The following SYT14 variants were observed in gnomAD, a reference collection of about 807,000 sequenced individuals.
SYT14 encodes the protein synaptotagmin 14.
A neutral mutation model predicts 74.2 loss-of-function variants in SYT14; 32 were observed. The ratio of observed to expected loss-of-function variants is 0.43; its 90% confidence interval spans 0.33 to 0.58. SYT14 has a LOEUF of 0.58. SYT14 is among the 20% of genes least tolerant of loss of function. The probability of loss-of-function intolerance (pLI) is 0.05; values close to 1 mark genes in which losing one functional copy is unlikely to be tolerated. For missense variants in SYT14, 791 were observed against 981.8 expected (o/e 0.81, Z 2.60); for synonymous variants, 298 against 337.7 (o/e 0.88, Z 1.29).
chr1:210,121,624 C>A (rs1372542151), intron 7 of SYT14, among the ~76,000 whole-genome samples: 1 of 151,904 alleles, frequency 6.6e-6, no homozygotes, highest in African/African-American at 2.4e-5. Context: ...GAAACTCTGT[C>A]TCTACTAAAA....
intron 2 of SYT14, among the ~76,000 whole-genome samples, chr1:209,978,973 C>A (rs976017730): frequency 6.6e-6 from 1 of 152,160 alleles, no homozygotes; most frequent in African/African-American, 2.4e-5. Flanking sequence ...TAGGAATCAG[C>A]GAGGCTCCGT....
chr1:210,076,603 G>C (rs759104111), intron 5 of SYT14, among the ~76,000 whole-genome samples: 12 of 152,182 alleles, frequency 7.9e-5, no homozygotes, highest in Admixed American at 7.9e-4. Flanking sequence ...AAAGAAAAGA[G>C]GTTTAATTGG....
At chr1:210,119,167 G>T (rs1228035891) in intron 7 of SYT14, among the ~76,000 whole-genome samples, 9 of 152,174 alleles carry the variant, frequency 5.9e-5, no homozygotes, top group Non-Finnish European at 1.5e-5. Flanking sequence ...GAATTTAGCA[G>T]TAGTGAGGAT....
chr1:210,084,402 G>A (rs534452319), intron 5 of SYT14, among the ~76,000 whole-genome samples: 21 of 152,154 alleles, frequency 1.4e-4, no homozygotes, highest in Non-Finnish European at 2.5e-4. Context: ...GAACATTATT[G>A]ACATGGCAAG....
intron 5 of SYT14, among the ~76,000 whole-genome samples, chr1:210,080,631 G>C (rs2081599521): frequency 6.6e-6 from 1 of 152,200 alleles, no homozygotes; most frequent in Non-Finnish European, 1.5e-5. Context: ...TGTAGCAACT[G>C]CATTTCAAGC....
chr1:210,080,122 T>G (rs1411339865), intron 5 of SYT14, among the ~76,000 whole-genome samples: 4 of 152,220 alleles, frequency 2.6e-5, no homozygotes. Context: ...CCTCAAAAAT[T>G]GCTGCATTAT....
At chr1:210,149,277 C>T (rs571544947) in intron 7 of SYT14, among the ~76,000 whole-genome samples, 125 of 150,178 alleles carry the variant, frequency 8.3e-4, no homozygotes, top group Middle Eastern at 3.4e-3. Context: ...CTCCACCTCG[C>T]AGGTTCAAGC....
intron 4 of SYT14, among the ~76,000 whole-genome samples, chr1:210,019,536 C>T (rs2080260696): frequency 6.6e-6 from 1 of 152,106 alleles, no homozygotes; most frequent in Non-Finnish European, 1.5e-5. Context: ...TGACTATTGG[C>T]TACATATTGG....
chr1:210,078,133 AC>A (rs1220544139), intron 5 of SYT14, among the ~76,000 whole-genome samples: 1 of 151,700 alleles, frequency 6.6e-6, no homozygotes, highest in Non-Finnish European at 1.5e-5. Context: ...ACACGGTGAA[AC>A]CCCGTCTCTA....
chr1:210,044,815 G>C (rs2080855392), intron 5 of SYT14, among the ~76,000 whole-genome samples: 1 of 152,188 alleles, frequency 6.6e-6, no homozygotes, highest in Admixed American at 6.5e-5. Context: ...GGCTTCTGCT[G>C]AGGCCTCAGG....
At chr1:209,993,944 G>A (rs1399791820) in intron 2 of SYT14, among the ~76,000 whole-genome samples, 2 of 152,190 alleles carry the variant, frequency 1.3e-5, no homozygotes, top group African/African-American at 2.4e-5. Flanking sequence ...CCAAGTGCAA[G>A]TGTTTACCTA....
intron 7 of SYT14, among the ~76,000 whole-genome samples, chr1:210,117,426 T>C (rs571901156): frequency 1.2e-4 from 18 of 152,206 alleles, no homozygotes; most frequent in Non-Finnish European, 1.8e-4. Context: ...ATTTTCTGAA[T>C]GTAGATTACT....
chr1:209,977,976 C>T (rs1250424833), intron 2 of SYT14, among the ~76,000 whole-genome samples: 1 of 152,090 alleles, frequency 6.6e-6, no homozygotes, highest in East Asian at 1.9e-4. Context: ...TCACTGATAC[C>T]CTTTCTTCCA....
intron 5 of SYT14, among the ~76,000 whole-genome samples, chr1:210,052,428 C>G (rs1007631665): frequency 1.3e-5 from 2 of 151,868 alleles, no homozygotes; most frequent in African/African-American, 4.8e-5. Flanking sequence ...CCTGGGAGGC[C>G]GAGGCGGGCG....
At chr1:210,141,046 C>CAAAA in intron 7 of SYT14, among the ~76,000 whole-genome samples, 1 of 97,106 alleles carries the variant, frequency 1.0e-5, no homozygotes, top group African/African-American at 2.9e-5. Context: ...TTTGTTTCTG[C>CAAAA]AAAAAAAAAA....
chr1:210,085,489 C>A (rs1017401959), intron 5 of SYT14, among the ~76,000 whole-genome samples: 1 of 152,096 alleles, frequency 6.6e-6, no homozygotes, highest in Non-Finnish European at 1.5e-5. Context: ...CCATTAAATA[C>A]GATGTTTGCT....
chr1:210,091,820 A>T (rs185092209), intron 5 of SYT14, among the ~76,000 whole-genome samples: 4 of 152,286 alleles, frequency 2.6e-5, no homozygotes, highest in Admixed American at 2.6e-4. Context: ...TAAGCCAATT[A>T]TGGTCATCCC....
At position 210,016,345 on chromosome 1, in the gene SYT14, TG is replaced by T. The variant is rs2102932544; in HGVS notation, c.343del (p.Glu115LysfsTer29). On this transcript the variant is annotated frameshift_variant, in exon 4 of 10. Transcript: ENST00000637265. LOFTEE classifies it high-confidence loss of function. ...CACTAAAGCAAGATCAAGGAATACA[TG>T]AAGAAAGAGTATTTAAACATGTTAA... The T allele has an allele frequency of 8.1e-7, 1 of 1,232,056 alleles. No homozygotes were observed. Among genetic ancestry groups the T allele is most frequent in the East Asian group, 3.2e-5 (1 of 31,702 alleles). The allele number at this position is 1,232,056 out of a possible 1,614,324, so 76.3% of individuals were successfully genotyped here. A position where few individuals can be genotyped will look rare whatever the true frequency, so the allele number is the denominator to read the frequency against.
At chr1:210,082,434 G>A (rs2081633728) in intron 5 of SYT14, among the ~76,000 whole-genome samples, 1 of 152,148 alleles carries the variant, frequency 6.6e-6, no homozygotes, top group Non-Finnish European at 1.5e-5. Context: ...AAAGGTACTA[G>A]AATACCAGAA....
Sources: gnomAD v4.1 joint callset for allele counts (sites outside exome capture counted in the v4.1 genomes callset) on GRCh38, gnomAD v4.1.1 for gene constraint, MANE v1.5 for transcripts, NCBI Gene and HGNC (gene_info 2026-07-23, HGNC 2026-07-21) for gene names.